The following LINGO1 variants were observed in gnomAD, a reference collection of about 807,000 sequenced individuals.
LINGO1 encodes the protein leucine-rich repeat and immunoglobulin-like domain-containing nogo receptor-interacting protein 1.
Under a neutral mutation model 37.3 loss-of-function variants are expected in LINGO1, and 11 were observed. The ratio of observed to expected loss-of-function variants is 0.29; its 90% CI spans 0.19 to 0.49. The LOEUF is 0.49. LINGO1 is among the 20% of genes least tolerant of loss of function. The probability of loss-of-function intolerance (pLI) is 0.99; values close to 1 mark genes in which losing one functional copy is unlikely to be tolerated. For synonymous variants in LINGO1, 387 were observed against 403.0 expected, an observed-to-expected ratio of 0.96 and a Z score of 0.48; for missense variants, 585 against 878.2, an observed-to-expected ratio of 0.67 and a Z score of 4.22.
chr15:77,616,045 A>T, intron 1 of LINGO1, 145 bp from the exon 2 acceptor site: 1 of 544,558 alleles, frequency 1.8e-6, no homozygotes, highest in East Asian at 3.0e-5. Context: ...TGCCCAGGCC[A>T]GAGGGCCTCT....
upstream of LINGO1, among the ~76,000 whole-genome samples, chr15:77,788,900 A>G (rs2076796631): frequency 6.6e-6 from 1 of 152,328 alleles, no homozygotes; most frequent in South Asian, 2.1e-4. Flanking sequence ...GGATTGGATC[A>G]CGACAAGTAC....
intron 1 of LINGO1, among the ~76,000 whole-genome samples, chr15:77,776,848 A>G (rs1050230974): frequency 6.6e-6 from 1 of 152,190 alleles, no homozygotes; most frequent in African/African-American, 2.4e-5. Context: ...ATTAGACCCC[A>G]TGAGGTCAGC....
At chr15:77,724,488 G>A (rs1241399007) in intron 2 of LINGO1, among the ~76,000 whole-genome samples, 3 of 152,198 alleles carry the variant, frequency 2.0e-5, no homozygotes, top group African/African-American at 7.2e-5. Context: ...GCGCCCGTCT[G>A]TGTCCCCGTT....
rs2076337664 is a variant in LINGO1, at chr15:77,748,541, G to A, written c.-256-13488C>T. ...ATGCCCTGCAGAGCCCAGGAACCCT[G>A]AGGTGGCCCCAGCATAGTGGGCAGG... On this transcript the variant is annotated intron_variant, in intron 1 of 3. Transcript: ENST00000561686. 4.6e-5 allele frequency among the ~76,000 whole-genome samples: 7 copies of A among 152,302 alleles called. No homozygotes were observed. The South Asian group carries it at 1.4e-3, about 32-fold the overall frequency.
chr15:77,773,553 C>G (rs2076606680), intron 1 of LINGO1, among the ~76,000 whole-genome samples: 1 of 152,072 alleles, frequency 6.6e-6, no homozygotes, highest in African/African-American at 2.4e-5. Context: ...CCCTCCCAGC[C>G]CCGGAGTCCA....
chr15:77,718,047 A>G (rs1303307313), intron 2 of LINGO1, among the ~76,000 whole-genome samples: 5 of 150,800 alleles, frequency 3.3e-5, no homozygotes, highest in African/African-American at 1.2e-4. Context: ...CTGGTGCCCA[A>G]GAGGATGCTC....
chr15:77,761,543 G>A (rs1468722488), intron 1 of LINGO1, among the ~76,000 whole-genome samples: 4 of 152,168 alleles, frequency 2.6e-5, no homozygotes, highest in Non-Finnish European at 5.9e-5. Context: ...TTTTTTCTCC[G>A]TGACTGTGCT....
chr15:77,670,931 C>T (rs1468433351), intron 3 of LINGO1, among the ~76,000 whole-genome samples: 4 of 152,238 alleles, frequency 2.6e-5, no homozygotes, highest in Admixed American at 2.0e-4. Context: ...CTAGCTCCTC[C>T]AGCCCAGGCC....
intron 3 of LINGO1, among the ~76,000 whole-genome samples, chr15:77,658,270 G>C (rs906625321): frequency 6.6e-6 from 1 of 152,230 alleles, no homozygotes; most frequent in African/African-American, 2.4e-5. Flanking sequence ...GGGGCTTGGA[G>C]AGCCCTCTCT....
At chr15:77,702,063 G>A (rs1021987224) in intron 2 of LINGO1, among the ~76,000 whole-genome samples, 1 of 152,150 alleles carries the variant, frequency 6.6e-6, no homozygotes, top group Non-Finnish European at 1.5e-5. Flanking sequence ...CACAGATGGT[G>A]CCTGAAGGCC....
chr15:77,712,547 C>T (rs2075931216), intron 2 of LINGO1, among the ~76,000 whole-genome samples: 1 of 152,188 alleles, frequency 6.6e-6, no homozygotes, highest in African/African-American at 2.4e-5. Context: ...GAGCTTGAAT[C>T]CCAAACCTGC....
chr15:77,633,773 A>G (rs1483386942), upstream of LINGO1, among the ~76,000 whole-genome samples: 1 of 152,184 alleles, frequency 6.6e-6, no homozygotes, highest in Non-Finnish European at 1.5e-5. Flanking sequence ...GGCCCAAGGA[A>G]TGGGACCTCT....
chr15:77,628,996 A>C (rs1225246598), intron 1 of LINGO1, among the ~76,000 whole-genome samples: 3 of 152,210 alleles, frequency 2.0e-5, no homozygotes, highest in Non-Finnish European at 4.4e-5. Flanking sequence ...CAGTGTTCTA[A>C]ATGTTTTGCA....
At chr15:77,801,802 C>T (rs558367367) in intron 1 of LINGO1, among the ~76,000 whole-genome samples, 15 of 152,230 alleles carry the variant, frequency 9.9e-5, no homozygotes, top group Admixed American at 3.9e-4. Flanking sequence ...CCCATGCCTA[C>T]GCTCCCCCAG....
At chr15:77,728,938 T>A (rs1316100988) in intron 2 of LINGO1, among the ~76,000 whole-genome samples, 2 of 152,270 alleles carry the variant, frequency 1.3e-5, no homozygotes, top group African/African-American at 4.8e-5. Context: ...CTGGGTCTGC[T>A]GTTGCTGTCC....
intron 3 of LINGO1, among the ~76,000 whole-genome samples, chr15:77,659,458 C>T (rs2074939682): frequency 6.6e-6 from 1 of 152,212 alleles, no homozygotes; most frequent in South Asian, 2.1e-4. Flanking sequence ...GACACTCTTT[C>T]GGTTCCCACT....
At chr15:77,635,016 C>T (rs765098618), upstream of LINGO1, among the ~76,000 whole-genome samples, 5 of 152,198 alleles carry the variant, frequency 3.3e-5, no homozygotes, top group South Asian at 2.1e-4. Context: ...TCAGTGATCT[C>T]GGCGGAGAAA....
upstream of LINGO1, among the ~76,000 whole-genome samples, chr15:77,791,321 C>T (rs1345074569): frequency 6.6e-6 from 1 of 151,292 alleles, no homozygotes; most frequent in Non-Finnish European, 1.5e-5. Context: ...TAGCTCACCA[C>T]AAGCCATGAG....
Position 77,614,479 on chromosome 15 carries a change from G to A in LINGO1, c.1428C>T (p.Val476=), listed in dbSNP as rs867700789. Residue 476 remains valine (V), a synonymous_variant, in exon 2 of 2, where the codon GTC becomes GTT. Transcript: ENST00000355300. The part of the protein sequence containing the change: ...VSAKSNGRLT[V]FPDGTLEVRY... Reference sequence around the variant, plus strand: ...GCACCTCCAGCGTGCCATCAGGGAAGACTGTGAGCCGCCCATTGCTCTTGG... The same window carrying A: ...GCACCTCCAGCGTGCCATCAGGGAAAACTGTGAGCCGCCCATTGCTCTTGG... The A allele has an allele frequency of 6.2e-7, 1 of 1,610,426 alleles. No homozygotes were observed. Among genetic ancestry groups the A allele is most frequent in the South Asian group, 1.1e-5 (1 of 91,082 alleles).
Sources: gnomAD v4.1 joint callset for allele counts (sites outside exome capture counted in the v4.1 genomes callset) on GRCh38, gnomAD v4.1.1 for gene constraint, MANE v1.5 for transcripts, NCBI Gene and HGNC (gene_info 2026-07-23, HGNC 2026-07-21) for gene names.